The following CELF4 variants were observed in gnomAD, a reference collection of about 807,000 sequenced individuals.
CELF4 encodes CUGBP Elav-like family member 4.
A neutral mutation model predicts 59.9 loss-of-function variants in CELF4; 18 were observed. That is an observed-to-expected ratio of 0.30 (90% CI 0.21 to 0.45). The LOEUF is 0.45. Among genes scored for constraint, CELF4 ranks in the 20% least tolerant of loss-of-function variants. The pLI, the probability that CELF4 is intolerant of heterozygous loss-of-function variation, is 1.00. For synonymous variants in CELF4, 261 were observed against 267.1 expected (o/e 0.98, Z 0.22); for missense variants, 456 against 689.0 (o/e 0.66, Z 3.79).
intron 3 of CELF4, among the ~76,000 whole-genome samples, chr18:37,290,633 T>C (rs962896292): frequency 2.0e-5 from 3 of 152,150 alleles, no homozygotes; most frequent in Non-Finnish European, 2.9e-5. Flanking sequence ...GGAAGGATTG[T>C]GGTGGGAGGG....
At chr18:37,558,684 T>G (rs2099985637) in intron 1 of CELF4, among the ~76,000 whole-genome samples, 1 of 151,704 alleles carries the variant, frequency 6.6e-6, no homozygotes, top group Admixed American at 6.6e-5. Context: ...AAGGAGTGGA[T>G]TTTCTGCTCT....
At chr18:37,416,724 C>T (rs1402321483) in intron 2 of CELF4, among the ~76,000 whole-genome samples, 3 of 152,216 alleles carry the variant, frequency 2.0e-5, no homozygotes, top group African/African-American at 7.2e-5. Flanking sequence ...GGATGGGAGA[C>T]TCCAGTGTGT....
At chr18:37,451,316 G>C (rs2099763156) in intron 2 of CELF4, among the ~76,000 whole-genome samples, 1 of 152,112 alleles carries the variant, frequency 6.6e-6, no homozygotes, top group Non-Finnish European at 1.5e-5. Flanking sequence ...TACGAACGTA[G>C]TGTGTCTGTG....
At chr18:37,487,903 C>T (rs56325404) in intron 1 of CELF4, among the ~76,000 whole-genome samples, 28,638 of 152,138 alleles carry the variant, frequency 0.19, 2,826 homozygotes, top group Middle Eastern at 0.27. Context: ...AGAGAGCTCA[C>T]AACTTTATTG....
chr18:37,547,145 T>TATGTGTGTGTGTGTGGG (rs879507460), intron 1 of CELF4, among the ~76,000 whole-genome samples: 1 of 107,928 alleles, frequency 9.3e-6, no homozygotes, highest in Non-Finnish European at 1.8e-5. Flanking sequence ...GCTTAGTGTA[T>TATGTGTGTGTGTGTGGG]GTGTGTGTGT....
chr18:37,533,422 C>T (rs187344553), intron 1 of CELF4, among the ~76,000 whole-genome samples: 1 of 152,274 alleles, frequency 6.6e-6, no homozygotes, highest in African/African-American at 2.4e-5. Flanking sequence ...GCAATTGGCC[C>T]ATACAGCAGG....
intron 3 of CELF4, among the ~76,000 whole-genome samples, chr18:37,304,942 C>T (rs1328394934): frequency 6.6e-6 from 1 of 152,096 alleles, no homozygotes; most frequent in African/African-American, 2.4e-5. Flanking sequence ...CAATTGGCCT[C>T]CACAGGAATA....
chr18:37,399,436 G>A (rs967839731), intron 2 of CELF4, among the ~76,000 whole-genome samples: 1 of 152,110 alleles, frequency 6.6e-6, no homozygotes, highest in Non-Finnish European at 1.5e-5. Context: ...GGACTTCTCA[G>A]CCTCTCCACT....
chr18:37,250,908 G>T (rs1226804704), intron 12 of CELF4, among the ~76,000 whole-genome samples: 10 of 152,150 alleles, frequency 6.6e-5, no homozygotes, highest in African/African-American at 9.7e-5. Flanking sequence ...GTTTTTTAAA[G>T]GACTGCTTAG....
intron 12 of CELF4, among the ~76,000 whole-genome samples, chr18:37,249,998 C>T (rs1011781840): frequency 3.1e-4 from 47 of 152,178 alleles, no homozygotes; most frequent in African/African-American, 8.7e-4. Flanking sequence ...TTGGTGCACT[C>T]TCCAGCCATA....
At chr18:37,418,972 T>C (rs900046390) in intron 2 of CELF4, among the ~76,000 whole-genome samples, 4 of 152,206 alleles carry the variant, frequency 2.6e-5, no homozygotes, top group Admixed American at 6.5e-5. Context: ...TAGTCTAGCA[T>C]AGGTGCACAT....
At chr18:37,397,664 A>G (rs537389306) in intron 2 of CELF4, among the ~76,000 whole-genome samples, 40 of 152,346 alleles carry the variant, frequency 2.6e-4, no homozygotes, top group African/African-American at 8.2e-4. Flanking sequence ...TGGGCAAACC[A>G]TGCCTGACGG....
intron 2 of CELF4, among the ~76,000 whole-genome samples, chr18:37,444,617 T>C (rs111919484): frequency 3.7e-5 from 5 of 134,152 alleles, no homozygotes; most frequent in Non-Finnish European, 6.2e-5. Flanking sequence ...CTAGCATGCA[T>C]ACACACACAC....
chr18:37,400,118 AC>A, intron 2 of CELF4, among the ~76,000 whole-genome samples: 1 of 152,282 alleles, frequency 6.6e-6, no homozygotes, highest in South Asian at 2.1e-4. Context: ...ATACAGGTGG[AC>A]CTCATCCAAT....
intron 1 of CELF4, among the ~76,000 whole-genome samples, chr18:37,534,105 T>C (rs747206691): frequency 9.9e-5 from 15 of 152,230 alleles, no homozygotes; most frequent in Non-Finnish European, 1.9e-4. Flanking sequence ...TTGGCAATAT[T>C]TGCCTTATGG....
intron 2 of CELF4, among the ~76,000 whole-genome samples, chr18:37,431,902 C>T (rs2154600798): frequency 6.6e-6 from 1 of 152,266 alleles, no homozygotes; most frequent in East Asian, 1.9e-4. Flanking sequence ...TGTCTATGCC[C>T]ACATAATTAA....
intron 2 of CELF4, among the ~76,000 whole-genome samples, chr18:37,439,535 T>C (rs909807245): frequency 1.3e-5 from 2 of 152,270 alleles, no homozygotes; most frequent in African/African-American, 4.8e-5. Flanking sequence ...CCTCTGACAC[T>C]GTGTGCCTTC....
intron 1 of CELF4, among the ~76,000 whole-genome samples, chr18:37,552,420 G>T (rs1049178161): frequency 6.6e-6 from 1 of 152,200 alleles, no homozygotes; most frequent in African/African-American, 2.4e-5. Context: ...CTGCCTCTGC[G>T]TGATGAGGGT....
At chr18:37,470,128 G>A (rs754169568) in intron 2 of CELF4, among the ~76,000 whole-genome samples, 47 of 152,190 alleles carry the variant, frequency 3.1e-4, no homozygotes, top group Non-Finnish European at 5.0e-4. Context: ...CAATGCTACC[G>A]AGTCAGAATA....
Sources: allele counts gnomAD v4.1 joint callset (sites outside exome capture counted in the v4.1 genomes callset), GRCh38; gene constraint gnomAD v4.1.1; transcripts MANE v1.5; gene names NCBI Gene and HGNC (gene_info 2026-07-23, HGNC 2026-07-21).